The following CDCA2 variants were observed in gnomAD, a reference collection of about 807,000 sequenced individuals.
CDCA2 encodes cell division cycle-associated protein 2.
A neutral mutation model predicts 67.0 loss-of-function variants in CDCA2; 44 were observed. That is an observed-to-expected ratio of 0.66 (90% CI 0.52 to 0.84). The LOEUF is 0.84. Among genes scored for constraint, CDCA2 ranks in the 40% least tolerant of loss-of-function variants. CDCA2 has a pLI of 0.00. For synonymous variants in CDCA2, 447 were observed against 418.7 expected, an observed-to-expected ratio of 1.07 and a Z score of -0.82; for missense variants, 1,253 against 1,203.2, an observed-to-expected ratio of 1.04 and a Z score of -0.61.
At chr8:25,470,960 C>T (rs1388523123) in intron 7 of CDCA2, among the ~76,000 whole-genome samples, 1 of 152,042 alleles carries the variant, frequency 6.6e-6, no homozygotes, top group Non-Finnish European at 1.5e-5. Context: ...TGGGATTTTG[C>T]CACATTGGCC....
At chr8:25,493,851 G>T (rs567776283) in intron 13 of CDCA2, among the ~76,000 whole-genome samples, 1 of 152,236 alleles carries the variant, frequency 6.6e-6, no homozygotes, top group East Asian at 1.9e-4. Flanking sequence ...GCAGTATCTG[G>T]CCAAATTAAA....
At chr8:25,476,017 G>T (rs1441296135) in intron 7 of CDCA2, among the ~76,000 whole-genome samples, 1 of 152,228 alleles carries the variant, frequency 6.6e-6, no homozygotes, top group African/African-American at 2.4e-5. Flanking sequence ...TTCTCTGTGT[G>T]TGGCACTGTG....
intron 7 of CDCA2, among the ~76,000 whole-genome samples, chr8:25,470,600 ATAT>A (rs1477474770): frequency 6.6e-6 from 1 of 152,072 alleles, no homozygotes; most frequent in African/African-American, 2.4e-5. Context: ...TGGTTAGTTG[ATAT>A]TATACAATTT....
chr8:25,464,001 G>T (rs1252939811), intron 4 of CDCA2, among the ~76,000 whole-genome samples: 1 of 152,176 alleles, frequency 6.6e-6, no homozygotes, highest in African/African-American at 2.4e-5. Flanking sequence ...ATAGAGGTCT[G>T]TCCTGATTCT....
intron 13 of CDCA2, among the ~76,000 whole-genome samples, chr8:25,499,885 A>C (rs975468322): frequency 6.6e-6 from 1 of 152,162 alleles, no homozygotes. Context: ...TTATTACACT[A>C]TCAGCAAGGC....
At chr8:25,477,239 C>G (rs1333875652) in intron 7 of CDCA2, among the ~76,000 whole-genome samples, 1 of 152,192 alleles carries the variant, frequency 6.6e-6, no homozygotes, top group African/African-American at 2.4e-5. Flanking sequence ...CAACCAGGCC[C>G]TCCTGTGAGA....
chr8:25,472,202 ATTT>A (rs59955636), intron 7 of CDCA2: 5 of 149,918 alleles, frequency 3.3e-5, no homozygotes, highest in South Asian at 2.1e-4. Flanking sequence ...GATAGCCTCA[ATTT>A]TTTTTTTTTA....
intron 13 of CDCA2, among the ~76,000 whole-genome samples, chr8:25,493,666 A>G (rs1286982356): frequency 6.6e-6 from 1 of 152,244 alleles, no homozygotes; most frequent in African/African-American, 2.4e-5. Context: ...GAAAATGTTC[A>G]GACTTCCTCA....
At chr8:25,503,599 G>A in intron 14 of CDCA2, 55 bp downstream of exon 14, 1 of 1,522,856 alleles carries the variant, frequency 6.6e-7, no homozygotes, top group South Asian at 1.3e-5. Flanking sequence ...CACCCTCTTT[G>A]TTGCTATTTT....
At position 25,482,555 on chromosome 8, in the gene CDCA2, A is replaced by G. The variant is rs372791634; in HGVS notation, c.1033-844A>G. The stretch of plus-strand genomic sequence containing the variant: ...TCATACCATACATATTAACAATACC[A>G]TGTAACAATGCCATTTAAAAGTATT... On this transcript the variant is annotated intron_variant, in intron 8 of 14. Coordinates refer to ENST00000330560, the MANE Select transcript of CDCA2 (RefSeq NM_152562.4). Among the ~76,000 whole-genome samples the G allele has an allele frequency of 7.2e-5, 11 of 152,340 alleles. No homozygotes were observed. In the South Asian group the frequency reaches 1.4e-3, roughly 20 times the overall value.
rs192865225 is a variant in CDCA2 at position 25,502,387 on chromosome 8, C to T, written c.1672-986C>T. 1.6e-4 allele frequency among the ~76,000 whole-genome samples: 25 copies of T among 152,110 alleles called. No homozygotes were observed. The East Asian group carries it at 2.7e-3, about 16-fold the overall frequency. On this transcript the variant is annotated intron_variant, in intron 13 of 14. Transcript: ENST00000330560. ...AAACATTATTTCTTGGTTGCTGATA[C>T]GTTACTCAGAATTGAATGTAATACC...
chr8:25,481,017 A>G (rs1803547161), intron 8 of CDCA2, among the ~76,000 whole-genome samples: 1 of 152,196 alleles, frequency 6.6e-6, no homozygotes, highest in Non-Finnish European at 1.5e-5. Context: ...GTATGCCTAC[A>G]AGCCTGTTCT....
intron 4 of CDCA2, 33 bp downstream of exon 4, chr8:25,462,241 C>T (rs761985612): frequency 1.9e-5 from 31 of 1,605,172 alleles, no homozygotes; most frequent in Non-Finnish European, 2.6e-5. Flanking sequence ...GTCGTGAATT[C>T]CGTTAATGAA....
In CDCA2 at chr8:25,507,663, C is replaced by G; in HGVS notation, c.2997C>G (p.Ser999=). ...AGTTCAAAGGCTACCGGAGAAGATC[C>G]TCTCTTAATGGGAAGGGAGAGAGCT... The part of the protein sequence containing the change: ...TSQFKGYRRR[S]SLNGKGESSL... Residue 999 remains serine, a synonymous_variant, in exon 15 of 15, where the codon TCC becomes TCG. Transcript: ENST00000330560. The G allele has an allele frequency of 1.2e-6, 2 of 1,614,194 alleles. No individual in the cohort carries two copies. Among genetic ancestry groups the G allele is most frequent in the Non-Finnish European group, 8.5e-7 (1 of 1,180,028 alleles).
intron 13 of CDCA2, among the ~76,000 whole-genome samples, chr8:25,490,851 A>G (rs550136382): frequency 6.6e-6 from 1 of 152,326 alleles, no homozygotes; most frequent in African/African-American, 2.4e-5. Flanking sequence ...CACGCAGGAA[A>G]GAGACTGAGC....
At chr8:25,465,545 T>C (rs917842477) in intron 4 of CDCA2, among the ~76,000 whole-genome samples, 9 of 147,876 alleles carry the variant, frequency 6.1e-5, no homozygotes. Context: ...GTTAACGGGG[T>C]TTCCAGAGAG....
At position 25,480,014 on chromosome 8, in the gene CDCA2, A is replaced by G. The variant is rs1803505668; in HGVS notation, c.922A>G (p.Arg308Gly). ...EVSSDAVPDVRSPATPACRRD... is the reference protein window; with the variant it reads ...EVSSDAVPDVGSPATPACRRD... Reference sequence around the variant, plus strand: ...GAGCTCAGACGCAGTCCCTGATGTCAGGTCACCAGCTACTCCAGCCTGCAG... The same window carrying G: ...GAGCTCAGACGCAGTCCCTGATGTCGGGTCACCAGCTACTCCAGCCTGCAG... The change falls in exon 8 of 15, where the codon AGG (arginine) becomes GGG (glycine). Residue 308 changes from arginine (R) to glycine (G), a missense_variant. Physicochemically the swap from Arg to Gly is moderately radical, Grantham distance 125. Transcript: ENST00000330560. 3 of 1,614,070 alleles carry G rather than the reference A, an allele frequency of 1.9e-6. No homozygotes were observed. The highest frequency in any genetic ancestry group is 1.7e-6 in the Non-Finnish European group (2 of 1,180,040).
In CDCA2 at chr8:25,483,969, A is replaced by T; in HGVS notation, c.1124A>T (p.Asp375Val). Residue 375 changes from aspartate (D) to valine (V), a missense_variant, in exon 10 of 15, where the codon GAT becomes GTT. Coordinates refer to ENST00000330560, the MANE Select transcript of CDCA2 (RefSeq NM_152562.4). The stretch of plus-strand genomic sequence containing the variant: ...CTCATTTATTGTCTAATTATAGAAG[A>T]TGAAGAAAATTTTGAAGCACCTGCC... ...PNCCKEKEAE[D>V]EENFEAPAFL... 1.2e-6 allele frequency: 2 copies of T among 1,612,246 alleles called. No individual in the cohort carries two copies. Among genetic ancestry groups the T allele is most frequent in the Non-Finnish European group, 1.7e-6 (2 of 1,178,746 alleles).
At chr8:25,497,811 A>G (rs1057474234) in intron 13 of CDCA2, among the ~76,000 whole-genome samples, 2 of 152,198 alleles carry the variant, frequency 1.3e-5, no homozygotes, top group Non-Finnish European at 2.9e-5. Context: ...ACCATGCTAT[A>G]TGCAATTTTT....
Sources: allele counts gnomAD v4.1 joint callset (sites outside exome capture counted in the v4.1 genomes callset), GRCh38; gene constraint gnomAD v4.1.1; transcripts MANE v1.5; gene names NCBI Gene and HGNC (gene_info 2026-07-23, HGNC 2026-07-21).